The following CMIP variants were observed in gnomAD, a reference collection of about 807,000 sequenced individuals.
CMIP encodes the protein c-Maf inducing protein.
In CMIP, 13 loss-of-function variants were observed where a neutral mutation model predicts 97.3. The ratio of observed to expected loss-of-function variants is 0.13; its 90% CI spans 0.09 to 0.21. The LOEUF (loss-of-function observed/expected upper bound fraction) is 0.21. CMIP is among the 10% of genes least tolerant of loss of function. The pLI, the probability that CMIP is intolerant of heterozygous loss-of-function variation, is 1.00. For synonymous variants in CMIP, 538 were observed against 436.3 expected (o/e 1.23, Z -2.91); for missense variants, 847 against 1,024.9 (o/e 0.83, Z 2.37).
intron 1 of CMIP, among the ~76,000 whole-genome samples, chr16:81,554,235 C>G (rs1488201565): frequency 6.6e-6 from 1 of 152,200 alleles, no homozygotes; most frequent in Non-Finnish European, 1.5e-5. Flanking sequence ...TCTGAATTAA[C>G]AAATGCCAGA....
intron 1 of CMIP, among the ~76,000 whole-genome samples, chr16:81,541,391 C>A (rs2090446600): frequency 6.6e-6 from 1 of 152,044 alleles, no homozygotes; most frequent in Non-Finnish European, 1.5e-5. Flanking sequence ...GCCGTGTAAC[C>A]TGTAACTTTC....
chr16:81,537,731 C>T (rs911094719), intron 1 of CMIP, among the ~76,000 whole-genome samples: 1 of 135,248 alleles, frequency 7.4e-6, no homozygotes, highest in African/African-American at 2.7e-5. Flanking sequence ...AAAGAAATGC[C>T]CCAAATGGGA....
At chr16:81,520,853 T>G (rs2090010850) in intron 1 of CMIP, among the ~76,000 whole-genome samples, 2 of 152,092 alleles carry the variant, frequency 1.3e-5, no homozygotes, top group South Asian at 4.2e-4. Flanking sequence ...GAGGAGGAAG[T>G]CAGAGGCTGC....
chr16:81,605,572 C>T (rs140083034), intron 1 of CMIP, among the ~76,000 whole-genome samples: 2 of 152,224 alleles, frequency 1.3e-5, no homozygotes, highest in South Asian at 4.1e-4. Context: ...GAGTGACCCA[C>T]CCTTCTCTCC....
intron 11 of CMIP, among the ~76,000 whole-genome samples, chr16:81,692,588 CGCAGTAATT>C (rs1455669538): frequency 6.6e-6 from 1 of 152,214 alleles, no homozygotes; most frequent in Non-Finnish European, 1.5e-5. Context: ...GCACATTACA[CGCAGTAATT>C]GCCCCATGTG....
chr16:81,562,199 G>A (rs1292662799), intron 1 of CMIP, among the ~76,000 whole-genome samples: 1 of 152,228 alleles, frequency 6.6e-6, no homozygotes, highest in Non-Finnish European at 1.5e-5. Context: ...GCTGTGGTCT[G>A]TGCCAAGTAC....
rs1280013500 is a variant in CMIP, at chr16:81,693,440, G to C, written c.1483G>C (p.Glu495Gln). 1 of 1,611,948 alleles carries C rather than the reference G, an allele frequency of 6.2e-7. No homozygotes were observed. The highest frequency in any genetic ancestry group is 2.2e-5 in the East Asian group (1 of 44,866). ...CTCCGGCCGCCTCGTCTCTTCCAGG[G>C]AACTGAAGTACGTGATTCAGAGGTT... The part of the protein sequence containing the change: ...EALAHEKFTK[E>Q]LKYVIQRFAE... The change falls in exon 13 of 21, where the codon GAA (glutamate) becomes CAA (glutamine). Residue 495 changes from glutamate to glutamine, a missense_variant and splice_region_variant. By Grantham distance (29) the Glu-to-Gln change is conservative. Coordinates refer to ENST00000537098, the MANE Select transcript of CMIP (RefSeq NM_198390.3).
At chr16:81,485,633 G>A (rs747948001) in intron 1 of CMIP, among the ~76,000 whole-genome samples, 8 of 152,208 alleles carry the variant, frequency 5.3e-5, no homozygotes, top group Non-Finnish European at 1.0e-4. Flanking sequence ...GTATGTTTAC[G>A]CAGCCCGTGG....
intron 10 of CMIP, among the ~76,000 whole-genome samples, chr16:81,690,390 C>A (rs1905919641): frequency 6.6e-6 from 1 of 152,174 alleles, no homozygotes; most frequent in African/African-American, 2.4e-5. Context: ...AAGTTGGATT[C>A]CTGGGTATTT....
intron 19 of CMIP, 72 bp downstream of exon 19, chr16:81,705,676 G>T: frequency 1.0e-6 from 1 of 982,582 alleles, no homozygotes; most frequent in East Asian, 2.6e-5. Flanking sequence ...AGCCAAACTG[G>T]CCAAGCACTG....
At chr16:81,617,884 TCA>T (rs922232422) in intron 2 of CMIP, among the ~76,000 whole-genome samples, 8 of 152,134 alleles carry the variant, frequency 5.3e-5, no homozygotes, top group Non-Finnish European at 1.2e-4. Context: ...CCTCTTAGGG[TCA>T]CACATATATA....
intron 1 of CMIP, among the ~76,000 whole-genome samples, chr16:81,484,438 C>G (rs1398842848): frequency 6.6e-5 from 10 of 152,146 alleles, no homozygotes; most frequent in Non-Finnish European, 1.0e-4. Context: ...GGGTTGGGCG[C>G]CGAACGCAGG....
At chr16:81,557,414 G>A (rs949258999) in intron 1 of CMIP, among the ~76,000 whole-genome samples, 2 of 152,008 alleles carry the variant, frequency 1.3e-5, no homozygotes, top group African/African-American at 4.8e-5. Context: ...CATCTTGTTG[G>A]CAGCCTCTTC....
intron 1 of CMIP, among the ~76,000 whole-genome samples, chr16:81,525,651 T>C (rs936724698): frequency 2.0e-5 from 3 of 152,228 alleles, no homozygotes; most frequent in Non-Finnish European, 4.4e-5. Flanking sequence ...CAATCATTTT[T>C]AAATGTTAAA....
intron 1 of CMIP, among the ~76,000 whole-genome samples, chr16:81,568,148 G>A (rs1300277903): frequency 6.6e-6 from 1 of 151,690 alleles, no homozygotes; most frequent in Non-Finnish European, 1.5e-5. Flanking sequence ...GCCTTCTAGG[G>A]CACCTTTGAT....
intron 1 of CMIP, among the ~76,000 whole-genome samples, chr16:81,600,028 C>A (rs1263827141): frequency 1.3e-5 from 2 of 151,914 alleles, no homozygotes; most frequent in Non-Finnish European, 2.9e-5. Flanking sequence ...CGCCTGTAAT[C>A]CCAGCACTTT....
At chr16:81,590,425 C>T (rs1217744283) in intron 1 of CMIP, among the ~76,000 whole-genome samples, 6 of 152,204 alleles carry the variant, frequency 3.9e-5, no homozygotes, top group African/African-American at 1.4e-4. Context: ...TGTGGGTCAC[C>T]TTGTCCGGGG....
intron 3 of CMIP, among the ~76,000 whole-genome samples, chr16:81,626,611 G>T (rs1025353211): frequency 1.4e-5 from 2 of 147,300 alleles, no homozygotes; most frequent in Admixed American, 1.4e-4. Context: ...GACGGTGTGC[G>T]TGTGTGTGTG....
chr16:81,564,449 A>C (rs1567582403), intron 1 of CMIP, among the ~76,000 whole-genome samples: 1 of 152,238 alleles, frequency 6.6e-6, no homozygotes, highest in Non-Finnish European at 1.5e-5. Flanking sequence ...TTACAGAGGA[A>C]TCTAGTCTTC....
Sources: allele counts gnomAD v4.1 joint callset (sites outside exome capture counted in the v4.1 genomes callset), GRCh38; gene constraint gnomAD v4.1.1; transcripts MANE v1.5; gene names NCBI Gene and HGNC (gene_info 2026-07-23, HGNC 2026-07-21).